LIMS1: variants seen among roughly 807,000 people sequenced by gnomAD.
LIMS1 encodes LIM zinc finger domain containing 1.
LIMS1 carries 18 observed loss-of-function variants against 44.1 expected under a neutral mutation model. The observed-to-expected ratio is 0.41, with a 90% CI of 0.28 to 0.61. The LOEUF (loss-of-function observed/expected upper bound fraction) is 0.61. Ranked by LOEUF, LIMS1 falls within the 20% of genes least tolerant of loss-of-function variation. The pLI, the probability that LIMS1 is intolerant of heterozygous loss-of-function variation, is 0.32. For missense variants in LIMS1, 201 were observed against 422.0 expected (o/e 0.48, Z 4.59); for synonymous variants, 93 against 149.1 (o/e 0.62, Z 2.74).
intron 1 of LIMS1, among the ~76,000 whole-genome samples, chr2:108,639,027 A>G (rs1689478452): frequency 6.6e-6 from 1 of 151,932 alleles, no homozygotes; most frequent in African/African-American, 2.4e-5. Flanking sequence ...TGGGTGACAG[A>G]GTGAGACTCC....
chr2:108,622,962 C>A (rs1201414694), intron 1 of LIMS1, among the ~76,000 whole-genome samples: 1 of 144,092 alleles, frequency 6.9e-6, no homozygotes, highest in East Asian at 2.1e-4. Flanking sequence ...AATGCTCTTT[C>A]AAACAACTAG....
At chr2:108,589,387 T>C (rs576734185) in intron 1 of LIMS1, among the ~76,000 whole-genome samples, 49 of 152,318 alleles carry the variant, frequency 3.2e-4, no homozygotes, top group Non-Finnish European at 5.9e-4. Flanking sequence ...TACAATACAG[T>C]ATTATTAATT....
chr2:108,611,393 G>A (rs565944492), intron 1 of LIMS1, among the ~76,000 whole-genome samples: 2 of 152,216 alleles, frequency 1.3e-5, no homozygotes, highest in East Asian at 3.9e-4. Flanking sequence ...GGAATAATCA[G>A]AGCCTTTATT....
chr2:108,605,161 G>A (rs935436317), intron 1 of LIMS1, among the ~76,000 whole-genome samples: 21 of 152,082 alleles, frequency 1.4e-4, no homozygotes, highest in East Asian at 1.4e-3. Flanking sequence ...TGGAGAGCAC[G>A]GTTGTAACAG....
intron 1 of LIMS1, among the ~76,000 whole-genome samples, chr2:108,598,177 A>G (rs1011031440): frequency 1.3e-5 from 2 of 151,602 alleles, no homozygotes; most frequent in African/African-American, 4.9e-5. Context: ...AGCGTGGGCT[A>G]TTTCATAGAT....
chr2:108,605,405 G>A (rs1687219752), intron 1 of LIMS1, among the ~76,000 whole-genome samples: 1 of 152,108 alleles, frequency 6.6e-6, no homozygotes, highest in Non-Finnish European at 1.5e-5. Flanking sequence ...TTAACCCAAG[G>A]TGGTTTCTGT....
chr2:108,575,610 T>C (rs958518012), intron 1 of LIMS1, among the ~76,000 whole-genome samples: 4 of 152,242 alleles, frequency 2.6e-5, no homozygotes, highest in Non-Finnish European at 5.9e-5. Flanking sequence ...AGTCAGGCTA[T>C]TGGGCTAAGT....
intron 1 of LIMS1, among the ~76,000 whole-genome samples, chr2:108,613,412 A>G (rs1361841161): frequency 1.3e-5 from 2 of 152,192 alleles, no homozygotes; most frequent in African/African-American, 2.4e-5. Context: ...CTATGTCCAC[A>G]AAAGAATGTG....
chr2:108,583,670 A>G (rs1399931403), intron 1 of LIMS1, among the ~76,000 whole-genome samples: 1 of 147,568 alleles, frequency 6.8e-6, no homozygotes, highest in Non-Finnish European at 1.5e-5. Flanking sequence ...TGTGGAAAGC[A>G]TTTATCCTGT....
chr2:108,534,322 GCCCGCCCCGCCAGTC>G (rs1234499119), upstream of LIMS1: 4 of 198,756 alleles, frequency 2.0e-5, no homozygotes, highest in Admixed American at 2.5e-4. Context: ...GCCCTTCGGC[GCCCGCCCCGCCAGTC>G]CCCGCCCCTC....
intron 8 of LIMS1, 44 bp downstream of exon 8, chr2:108,678,071 A>G (rs1481615452): frequency 4.4e-6 from 7 of 1,608,328 alleles, no homozygotes; most frequent in Non-Finnish European, 5.9e-6. Flanking sequence ...CTTTGACACA[A>G]AAACACTTGG....
At chr2:108,616,411 G>C (rs1687937095) in intron 1 of LIMS1, among the ~76,000 whole-genome samples, 1 of 151,970 alleles carries the variant, frequency 6.6e-6, no homozygotes, top group African/African-American at 2.4e-5. Flanking sequence ...AGGTCTCACT[G>C]TGTTGCCCAG....
In LIMS1 at chr2:108,629,227, A is replaced by T. The variant is rs979101644; in HGVS notation, c.33-30378A>T. ...TTCGTATGCGTGGAACTAGAAACGG[A>T]TCACAACTTACATGTTGGCTTCTAA... On this transcript the variant is annotated intron_variant, in intron 1 of 9. Transcript: ENST00000544547. Among the ~76,000 whole-genome samples, 19 of 152,254 alleles carry T rather than the reference A, an allele frequency of 1.2e-4. 1 individual carries two copies. Among genetic ancestry groups the T allele is most frequent in the Admixed American group, 1.2e-3 (19 of 15,286 alleles).
chr2:108,583,149 C>T (rs949799915), intron 1 of LIMS1, among the ~76,000 whole-genome samples: 3 of 151,906 alleles, frequency 2.0e-5, no homozygotes, highest in African/African-American at 7.3e-5. Context: ...AGCAATGCCT[C>T]AGCCTCATGA....
intron 1 of LIMS1, among the ~76,000 whole-genome samples, chr2:108,637,097 A>ATGTGTGTG (rs749792879): frequency 9.1e-5 from 12 of 132,050 alleles, no homozygotes; most frequent in East Asian, 2.1e-4. Context: ...AAATATACAT[A>ATGTGTGTG]TATGTGTGTG....
chr2:108,608,156 C>A (rs1462284404), intron 1 of LIMS1, among the ~76,000 whole-genome samples: 2 of 152,174 alleles, frequency 1.3e-5, no homozygotes, highest in African/African-American at 4.8e-5. Context: ...GAAGCCCTTT[C>A]CTTAATGGAG....
intron 1 of LIMS1, among the ~76,000 whole-genome samples, chr2:108,595,773 T>C (rs1002709442): frequency 2.0e-5 from 3 of 152,188 alleles, no homozygotes; most frequent in Non-Finnish European, 4.4e-5. Flanking sequence ...TTATAATCTT[T>C]TAGGGCCCTC....
At chr2:108,651,149 G>A (rs1317860183) in intron 1 of LIMS1, among the ~76,000 whole-genome samples, 1 of 152,154 alleles carries the variant, frequency 6.6e-6, no homozygotes. Context: ...TTGCAGTGGA[G>A]GACATGTCTG....
At chr2:108,538,438 A>C (rs1684211855) in intron 1 of LIMS1, among the ~76,000 whole-genome samples, 3 of 152,150 alleles carry the variant, frequency 2.0e-5, no homozygotes, top group Non-Finnish European at 4.4e-5. Context: ...GCAAGTGCTG[A>C]AGAGTGCATT....
Sources: allele counts gnomAD v4.1 joint callset (sites outside exome capture counted in the v4.1 genomes callset), GRCh38; gene constraint gnomAD v4.1.1; transcripts MANE v1.5; gene names NCBI Gene and HGNC (gene_info 2026-07-23, HGNC 2026-07-21).